Variants in SNURF observed in about 807,000 individuals in gnomAD.
SNURF encodes the protein SNURF protein.
SNURF carries 6 observed loss-of-function variants against 11.6 expected under a neutral mutation model. That is an observed-to-expected ratio of 0.52 (90% CI 0.28 to 1.02). The LOEUF (loss-of-function observed/expected upper bound fraction) is 1.02. Ranked by LOEUF, SNURF falls within the 50% of genes least tolerant of loss-of-function variation. SNURF has a pLI of 0.09. For missense variants in SNURF, 84 were observed against 88.4 expected, an observed-to-expected ratio of 0.95 and a Z score of 0.20; for synonymous variants, 29 against 31.6, an observed-to-expected ratio of 0.92 and a Z score of 0.27.
At chr15:24,974,647 G>A (rs2076855768) in intron 3 of SNURF, 2 of 650,672 alleles carry the variant, frequency 3.1e-6, no homozygotes, top group South Asian at 1.9e-5. Context: ...TTCAGACGGG[G>A]TCTTGCTCTG....
At chr15:24,959,630 T>C (rs1408329969) in intron 1 of SNURF, among the ~76,000 whole-genome samples, 1 of 152,206 alleles carries the variant, frequency 6.6e-6, no homozygotes, top group African/African-American at 2.4e-5. Context: ...GTTTAGTTGA[T>C]AGTTTCTTTA....
intron 1 of SNURF, among the ~76,000 whole-genome samples, chr15:24,960,619 G>T (rs1039650083): frequency 1.3e-5 from 2 of 152,054 alleles, no homozygotes; most frequent in Admixed American, 1.3e-4. Context: ...ATTTTGATTT[G>T]CATTTTTTAG....
At chr15:24,973,314 G>A (rs767179264), downstream of SNURF, among the ~76,000 whole-genome samples, 2 of 152,170 alleles carry the variant, frequency 1.3e-5, no homozygotes, top group African/African-American at 2.4e-5. Context: ...TATCCTCTAG[G>A]TTTGTGTAAG....
chr15:24,964,711 C>G (rs910794233), intron 2 of SNURF, among the ~76,000 whole-genome samples: 3 of 152,078 alleles, frequency 2.0e-5, no homozygotes, highest in African/African-American at 7.2e-5. Flanking sequence ...GTTTAGGACT[C>G]TTAGGTTTAG....
intron 2 of SNURF, 68 bp from the exon 3 acceptor site, chr15:24,967,861 TTTC>T (rs2075886002): frequency 2.9e-6 from 4 of 1,357,246 alleles, no homozygotes; most frequent in Non-Finnish European, 2.1e-6. Flanking sequence ...GGTACCTAGT[TTTC>T]TTTCATATGG....
chr15:24,963,884 T>C (rs573528283), intron 2 of SNURF, among the ~76,000 whole-genome samples: 15 of 151,932 alleles, frequency 9.9e-5, no homozygotes, highest in African/African-American at 3.6e-4. Flanking sequence ...AAAAATAAAT[T>C]AGCCAGGCGT....
chr15:24,969,367 G>A (rs2153602251), downstream of SNURF, among the ~76,000 whole-genome samples: 1 of 144,918 alleles, frequency 6.9e-6, no homozygotes, highest in South Asian at 2.2e-4. Flanking sequence ...GAACTCAGGT[G>A]ATCCACCTGC....
chr15:24,962,244 C>T (rs1432806470), intron 2 of SNURF, 35 bp downstream of exon 2: 1 of 1,544,492 alleles, frequency 6.5e-7, no homozygotes, highest in South Asian at 1.1e-5. Flanking sequence ...AAATGCAAGT[C>T]AGAATCTCCT....
intron 3 of SNURF, chr15:24,975,342 G>T: frequency 6.2e-7 from 1 of 1,609,282 alleles, no homozygotes. Context: ...CATGACTCTT[G>T]TCTTACTGCT....
In SNURF at chr15:24,977,134, A is replaced by G. The variant is rs1332385218; in HGVS notation, c.*462+105A>G. ...GTATGTGTCATACAATGTAAACAGC[A>G]TATGGTTTAGGAGGAACCAAAACAC... is the stretch of plus-strand genomic sequence containing the variant. On this transcript the variant is annotated intron_variant and NMD_transcript_variant, in intron 6 of 6. Transcript: ENST00000580062. 5 of 918,078 alleles carry G rather than the reference A, an allele frequency of 5.4e-6. No homozygotes were observed. In the East Asian group the frequency reaches 1.2e-4, roughly 22 times the overall value. 56.9% of individuals were successfully genotyped at this position (918,078 alleles called of 1,614,324 possible).
chr15:24,972,364 T>C (rs1400657389), downstream of SNURF, among the ~76,000 whole-genome samples: 1 of 152,300 alleles, frequency 6.6e-6, no homozygotes, highest in African/African-American at 2.4e-5. Flanking sequence ...TTCTAAGTTA[T>C]AGTCCTTAAA....
chr15:24,957,131 A>G (rs1388197910), intron 1 of SNURF, among the ~76,000 whole-genome samples: 1 of 152,174 alleles, frequency 6.6e-6, no homozygotes, highest in Non-Finnish European at 1.5e-5. Flanking sequence ...CGACACATTT[A>G]ATAAATGTCA....
At chr15:24,971,526 TTATTA>T (rs1348100666), downstream of SNURF, among the ~76,000 whole-genome samples, 1 of 151,476 alleles carries the variant, frequency 6.6e-6, no homozygotes, top group Non-Finnish European at 1.5e-5. Flanking sequence ...ATACAGGTTA[TTATTA>T]TATTATGATA....
At chr15:24,962,248 A>C (rs1177119112) in intron 2 of SNURF, 39 bp downstream of exon 2, 1 of 1,534,690 alleles carries the variant, frequency 6.5e-7, no homozygotes, top group Admixed American at 1.7e-5. Flanking sequence ...GCAAGTCAGA[A>C]TCTCCTTTCA....
chr15:24,976,369 G>C (rs1223517810), exon 5 of SNURF: 3 of 1,613,424 alleles, frequency 1.9e-6, no homozygotes, highest in Non-Finnish European at 2.5e-6. Context: ...GTTGCTGCGT[G>C]GGGAGAACTT....
In SNURF at chr15:24,963,707, A is replaced by G. The variant is rs953456440; in HGVS notation, c.110+1498A>G. On this transcript the variant is annotated intron_variant, in intron 2 of 2. Transcript: ENST00000577949. ...TTTTTCCTCATAGTAAAAACTGAGT[A>G]GTAGTTTGTGTGTCTTTTGTTATTT... Among the ~76,000 whole-genome samples, 10 of 151,962 alleles carry G rather than the reference A, an allele frequency of 6.6e-5. No homozygotes were observed. The East Asian group carries it at 1.7e-3, about 26-fold the overall frequency.
chr15:24,974,798 A>G (rs2076876563), intron 3 of SNURF: 1 of 638,920 alleles, frequency 1.6e-6, no homozygotes, highest in African/African-American at 1.8e-5. Context: ...ACCTCTGGTG[A>G]TCCACCCACC....
chr15:24,958,291 G>A (rs761017546), intron 1 of SNURF, among the ~76,000 whole-genome samples: 2 of 151,720 alleles, frequency 1.3e-5, no homozygotes, highest in African/African-American at 2.4e-5. Context: ...TATTTTTTAG[G>A]AAGAATCATT....
intron 4 of SNURF, chr15:24,976,202 T>C (rs750500802): frequency 6.8e-6 from 6 of 876,848 alleles, no homozygotes; most frequent in African/African-American, 6.7e-5. Flanking sequence ...TCAGTAAATG[T>C]TTAGCATCAG....
Sources: gnomAD v4.1 joint callset for allele counts (sites outside exome capture counted in the v4.1 genomes callset) on GRCh38, gnomAD v4.1.1 for gene constraint, MANE v1.5 for transcripts, NCBI Gene and HGNC (gene_info 2026-07-23, HGNC 2026-07-21) for gene names.